The following AAK1 variants were observed in gnomAD, a reference collection of about 807,000 sequenced individuals.
AAK1 encodes the protein AP2 associated kinase 1.
AAK1 carries 37 observed loss-of-function variants against 116.0 expected under a neutral mutation model. The observed-to-expected ratio is 0.32, with a 90% CI of 0.25 to 0.42. The LOEUF (loss-of-function observed/expected upper bound fraction) is 0.42, where lower values mean the gene tolerates loss of function less well. AAK1 is among the 10% of genes least tolerant of loss of function. The pLI is 1.00. For missense variants in AAK1, 919 were observed against 1,170.6 expected, an observed-to-expected ratio of 0.79 and a Z score of 3.14; for synonymous variants, 458 against 439.9, an observed-to-expected ratio of 1.04 and a Z score of -0.51.
intron 2 of AAK1, among the ~76,000 whole-genome samples, chr2:69,602,104 T>C (rs983135636): frequency 2.0e-5 from 3 of 152,126 alleles, no homozygotes; most frequent in African/African-American, 4.8e-5. Flanking sequence ...TCCTATAAAG[T>C]AGAACTGGCC....
At chr2:69,619,212 C>T (rs567832284) in intron 2 of AAK1, among the ~76,000 whole-genome samples, 1 of 152,186 alleles carries the variant, frequency 6.6e-6, no homozygotes, top group African/African-American at 2.4e-5. Context: ...TCATTCCCCT[C>T]GATGACTAAC....
At chr2:69,509,588 T>C in intron 13 of AAK1, 128 bp from the exon 14 acceptor site, 1 of 760,550 alleles carries the variant, frequency 1.3e-6, no homozygotes. Context: ...CTCACATGGC[T>C]AAGTTTATCA....
intron 2 of AAK1, among the ~76,000 whole-genome samples, chr2:69,594,289 G>C (rs1673165048): frequency 6.6e-6 from 1 of 152,166 alleles, no homozygotes; most frequent in African/African-American, 2.4e-5. Flanking sequence ...CCACATAAGG[G>C]CTCTAGTTCA....
At chr2:69,500,856 C>T (rs1008774595) in intron 16 of AAK1, among the ~76,000 whole-genome samples, 6 of 151,382 alleles carry the variant, frequency 4.0e-5, no homozygotes, top group African/African-American at 1.5e-4. Flanking sequence ...TAGATGAAAA[C>T]TAGGCATTAA....
chr2:69,535,747 A>G (rs1356323546), intron 5 of AAK1, among the ~76,000 whole-genome samples: 1 of 152,084 alleles, frequency 6.6e-6, no homozygotes, highest in Non-Finnish European at 1.5e-5. Flanking sequence ...GAGGCAGGCC[A>G]CTGTGGCTGG....
chr2:69,465,256 C>G lies in AAK1; in HGVS notation c.*10613G>C, dbSNP rs115330329. 12 of 490,870 alleles carry G rather than the reference C, an allele frequency of 2.4e-5. No homozygotes were observed. In the South Asian group the frequency reaches 2.5e-4, roughly 10 times the overall value. 30.4% of individuals were successfully genotyped at this position (490,870 alleles called of 1,614,324 possible). A position where few individuals can be genotyped will look rare whatever the true frequency, so the allele number is the denominator to read the frequency against. On this transcript the variant is annotated 3_prime_UTR_variant, in exon 22 of 22. Transcript: ENST00000409085. ...TGAACATAACTTAAAGGGGCTTCAA[C>G]TAAATATCACTGCAACTGAGTTTGT... is the stretch of plus-strand genomic sequence containing the variant.
rs370277743 is a variant in AAK1 at position 69,476,045 on chromosome 2, C to CAAACCA, written c.2792-88_2792-83dup. On this transcript the variant is annotated intron_variant, in intron 21 of 21. Coordinates refer to ENST00000409085, the MANE Select transcript of AAK1 (RefSeq NM_014911.5). ...TGCAGAGCAAGCAAAGAAGAAAAAC[C>CAAACCA]AAACCAAAACCAAAACCAAAACAAA... 46 of 1,464,306 alleles carry CAAACCA rather than the reference C, an allele frequency of 3.1e-5. No individual in the cohort carries two copies. The African/African-American group carries it at 5.3e-4, about 17-fold the overall frequency. The allele number at this position is 1,464,306 out of a possible 1,614,324, so 90.7% of individuals were successfully genotyped here.
At chr2:69,519,640 T>C (rs944927615) in intron 11 of AAK1, among the ~76,000 whole-genome samples, 1 of 152,186 alleles carries the variant, frequency 6.6e-6, no homozygotes, top group African/African-American at 2.4e-5. Context: ...CTTATCCCAG[T>C]CTGGATGCGT....
At chr2:69,530,191 C>G (rs1201882921) in intron 7 of AAK1, 51 bp from the exon 8 acceptor site, 6 of 1,540,304 alleles carry the variant, frequency 3.9e-6, no homozygotes, top group Admixed American at 2.1e-5. Context: ...TATCATGACT[C>G]TAAATGGATC....
At chr2:69,544,335 T>C (rs1463060677) in intron 4 of AAK1, 101 bp downstream of exon 4, 4 of 855,240 alleles carry the variant, frequency 4.7e-6, no homozygotes, top group South Asian at 1.5e-5. Context: ...AACCAGAACA[T>C]ATCATAGAGT....
chr2:69,623,504 C>G (rs1031094013), intron 2 of AAK1, among the ~76,000 whole-genome samples: 8 of 152,292 alleles, frequency 5.3e-5, no homozygotes, highest in Admixed American at 3.9e-4. Context: ...CTTTTCTGAT[C>G]ATGCCAGCCC....
In AAK1 at chr2:69,464,513, G is replaced by GA. The variant is rs1220047441; in HGVS notation, c.*11355dup. 6.8e-4 allele frequency: 103 copies of GA among 152,580 alleles called. No homozygotes were observed. Among genetic ancestry groups the GA allele is most frequent in the Non-Finnish European group, 1.3e-4 (9 of 67,996 alleles). The allele number at this position is 152,580 out of a possible 1,614,324, so 9.5% of individuals were successfully genotyped here. A position where few individuals can be genotyped will look rare whatever the true frequency, so the allele number is the denominator to read the frequency against. Reference sequence around the variant, plus strand: ...TCCAACGTATTCTACTTTGCCATGAGAAAAAAACTAAATAAATAAAATGGG... The same window carrying GA: ...TCCAACGTATTCTACTTTGCCATGAGAAAAAAAACTAAATAAATAAAATGGG... On this transcript the variant is annotated 3_prime_UTR_variant, in exon 22 of 22. Transcript: ENST00000409085.
In AAK1 at chr2:69,461,748, C is replaced by T. The variant is rs937397168; in HGVS notation, c.*14121G>A. ...CTGGGACTACAGGTGCGTGCCATCA[C>T]GCCCAGCTACTTTTTGTATTTTTGG... On this transcript the variant is annotated 3_prime_UTR_variant, in exon 22 of 22. Coordinates refer to ENST00000409085, the MANE Select transcript of AAK1 (RefSeq NM_014911.5). 4 of 319,840 alleles carry T rather than the reference C, an allele frequency of 1.3e-5. No individual in the cohort carries two copies. The highest frequency in any genetic ancestry group is 2.5e-5 in the Non-Finnish European group (4 of 162,730). 19.8% of individuals were successfully genotyped at this position (319,840 alleles called of 1,614,324 possible).
chr2:69,576,156 C>T (rs1672306952), intron 2 of AAK1, among the ~76,000 whole-genome samples: 1 of 152,152 alleles, frequency 6.6e-6, no homozygotes, highest in African/African-American at 2.4e-5. Flanking sequence ...ACCCTCCTCA[C>T]TCTCCACTAG....
chr2:69,626,886 C>T (rs896162954), intron 2 of AAK1, among the ~76,000 whole-genome samples: 2 of 152,152 alleles, frequency 1.3e-5, no homozygotes, highest in African/African-American at 4.8e-5. Context: ...TTTCTGCCTC[C>T]TTCATGTGCC....
At position 69,640,059 on chromosome 2, in the gene AAK1, T is replaced by A. The variant is rs1302032116; in HGVS notation, c.163+2819A>T. Among the ~76,000 whole-genome samples the A allele has an allele frequency of 6.4e-4, 93 of 144,232 alleles. No homozygotes were observed. In the East Asian group the frequency reaches 9.5e-3, roughly 15 times the overall value. 94.6% of individuals were successfully genotyped at this position (144,232 alleles called of 152,430 possible). ...CACACACACACACACACACACTCTCTCTCTCTCTCTCTCTCTCTCTCCCCC... is the reference window on the plus strand; with the variant it reads ...CACACACACACACACACACACTCTCACTCTCTCTCTCTCTCTCTCTCCCCC... On this transcript the variant is annotated intron_variant, in intron 2 of 21. Transcript: ENST00000409085.
Position 69,468,281 on chromosome 2 carries a change from T to C in AAK1, c.*7588A>G, listed in dbSNP as rs894486744. The stretch of plus-strand genomic sequence containing the variant: ...CTCAGGCAAGTAAATTGATATTAGA[T>C]TTGTCTCAGTGATACCAAGATGATA... On this transcript the variant is annotated 3_prime_UTR_variant, in exon 22 of 22. Transcript: ENST00000409085. 1.0e-6 allele frequency: 1 copy of C among 985,220 alleles called. No individual in the cohort carries two copies. Among genetic ancestry groups the C allele is most frequent in the Non-Finnish European group, 1.2e-6 (1 of 829,850 alleles). 61.0% of individuals were successfully genotyped at this position (985,220 alleles called of 1,614,324 possible).
intron 2 of AAK1, among the ~76,000 whole-genome samples, chr2:69,632,213 T>C (rs1675217390): frequency 6.6e-6 from 1 of 152,174 alleles, no homozygotes; most frequent in Admixed American, 6.5e-5. Context: ...ACCAAAAATA[T>C]TGCAATACTT....
Position 69,465,943 on chromosome 2 carries a change from A to C in AAK1, c.*9926T>G. 7.7e-7 allele frequency: 1 copy of C among 1,290,858 alleles called. No individual in the cohort carries two copies. The highest frequency in any genetic ancestry group is 1.2e-5 in the South Asian group (1 of 81,018). The allele number at this position is 1,290,858 out of a possible 1,614,324, so 80.0% of individuals were successfully genotyped here. On this transcript the variant is annotated 3_prime_UTR_variant, in exon 22 of 22. Coordinates refer to ENST00000409085, the MANE Select transcript of AAK1 (RefSeq NM_014911.5). The stretch of plus-strand genomic sequence containing the variant: ...TGTGCAGGCAGCTCCTGGGAGGTGC[A>C]TTGGATAACTGTTAACTCCTCCATG...
Sources: gnomAD v4.1 joint callset for allele counts (sites outside exome capture counted in the v4.1 genomes callset) on GRCh38, gnomAD v4.1.1 for gene constraint, MANE v1.5 for transcripts, NCBI Gene and HGNC (gene_info 2026-07-23, HGNC 2026-07-21) for gene names.